Variants in CDYL observed in about 807,000 individuals in gnomAD.
CDYL encodes chromodomain Y-like protein.
CDYL carries 8 observed loss-of-function variants against 47.3 expected under a neutral mutation model. The ratio of observed to expected loss-of-function variants is 0.17; its 90% confidence interval spans 0.10 to 0.31. CDYL has a LOEUF of 0.31. Among genes scored for constraint, CDYL ranks in the 10% least tolerant of loss-of-function variants. The pLI, the probability that CDYL is intolerant of heterozygous loss-of-function variation, is 1.00. For missense variants in CDYL, 471 were observed against 701.4 expected (o/e 0.67, Z 3.71); for synonymous variants, 266 against 265.0 (o/e 1.00, Z -0.04).
intron 3 of CDYL, among the ~76,000 whole-genome samples, chr6:4,761,845 G>A (rs577756594): frequency 6.6e-6 from 1 of 152,270 alleles, no homozygotes; most frequent in Admixed American, 6.5e-5. Context: ...TCCAGTAATG[G>A]CAGACTAAAT....
At chr6:4,832,131 A>AG (rs1561659180) in intron 1 of CDYL, among the ~76,000 whole-genome samples, 1 of 151,990 alleles carries the variant, frequency 6.6e-6, no homozygotes, top group African/African-American at 2.4e-5. Flanking sequence ...GAGTGGTGAG[A>AG]GAGGGCATCC....
intron 1 of CDYL, among the ~76,000 whole-genome samples, chr6:4,803,363 T>C (rs1010342810): frequency 6.6e-6 from 1 of 152,198 alleles, no homozygotes; most frequent in African/African-American, 2.4e-5. Flanking sequence ...GTCACTTAGT[T>C]TTCTCTTGGC....
At chr6:4,761,897 G>A (rs192371753) in intron 3 of CDYL, among the ~76,000 whole-genome samples, 3 of 152,268 alleles carry the variant, frequency 2.0e-5, no homozygotes, top group African/African-American at 4.8e-5. Context: ...TAAGAAAGCT[G>A]GGGGAAAAGC....
chr6:4,713,464 T>C (rs1320963335), intron 1 of CDYL, among the ~76,000 whole-genome samples: 1 of 152,188 alleles, frequency 6.6e-6, no homozygotes, highest in Non-Finnish European at 1.5e-5. Context: ...TCAAATTCCA[T>C]GGAGGTGACT....
chr6:4,909,603 T>G (rs1346222515), intron 2 of CDYL, among the ~76,000 whole-genome samples: 3 of 152,176 alleles, frequency 2.0e-5, no homozygotes, highest in African/African-American at 7.2e-5. Context: ...GGAGTCTCCC[T>G]CTGTTGCCCA....
intron 3 of CDYL, among the ~76,000 whole-genome samples, chr6:4,743,429 G>T (rs1404052322): frequency 6.6e-6 from 1 of 152,198 alleles, no homozygotes; most frequent in African/African-American, 2.4e-5. Flanking sequence ...AGCTCCAGAT[G>T]AGTTTATATC....
At chr6:4,884,470 G>A (rs537847315) in intron 1 of CDYL, among the ~76,000 whole-genome samples, 2 of 152,282 alleles carry the variant, frequency 1.3e-5, no homozygotes, top group East Asian at 3.9e-4. Flanking sequence ...ATACTCAGAG[G>A]GAAATTTGAC....
At chr6:4,724,130 T>A (rs909755547) in intron 2 of CDYL, among the ~76,000 whole-genome samples, 5 of 152,202 alleles carry the variant, frequency 3.3e-5, no homozygotes, top group Non-Finnish European at 5.9e-5. Context: ...AACCTTGACC[T>A]CCTGGGTTCA....
intron 1 of CDYL, among the ~76,000 whole-genome samples, chr6:4,821,470 A>G (rs1214301286): frequency 1.3e-5 from 2 of 151,828 alleles, no homozygotes; most frequent in African/African-American, 4.8e-5. Flanking sequence ...GTGGTGGCTC[A>G]TGCCTGTAAT....
At chr6:4,811,545 A>G (rs116273493) in intron 1 of CDYL, among the ~76,000 whole-genome samples, 2 of 152,266 alleles carry the variant, frequency 1.3e-5, no homozygotes, top group Non-Finnish European at 2.9e-5. Flanking sequence ...AGATACTCAA[A>G]AGTAGTCTAT....
At chr6:4,859,371 G>C (rs531990087) in intron 1 of CDYL, among the ~76,000 whole-genome samples, 3 of 152,120 alleles carry the variant, frequency 2.0e-5, no homozygotes, top group South Asian at 2.1e-4. Flanking sequence ...TCAGCTGCCC[G>C]GGGTGCCTTG....
intron 5 of CDYL, among the ~76,000 whole-genome samples, chr6:4,945,200 A>G (rs551170570): frequency 2.6e-4 from 39 of 152,276 alleles, no homozygotes. Context: ...TGACTAGCAC[A>G]TTGTCAGTGG....
intron 1 of CDYL, among the ~76,000 whole-genome samples, chr6:4,884,837 G>C (rs1281401182): frequency 6.6e-6 from 1 of 152,124 alleles, no homozygotes; most frequent in African/African-American, 2.4e-5. Context: ...TCAGGTAACC[G>C]GTACAAGCAA....
chr6:4,823,690 A>G (rs371220287), intron 1 of CDYL, among the ~76,000 whole-genome samples: 17 of 152,186 alleles, frequency 1.1e-4, no homozygotes, highest in African/African-American at 4.1e-4. Context: ...GTATCTCCAA[A>G]ACTTTTAAAT....
chr6:4,928,233 TG>T (rs1330602443), intron 2 of CDYL, among the ~76,000 whole-genome samples: 1 of 152,180 alleles, frequency 6.6e-6, no homozygotes, highest in African/African-American at 2.4e-5. Flanking sequence ...TCCAGAATGG[TG>T]GCATCCCACC....
At chr6:4,823,736 A>G (rs1169829460) in intron 1 of CDYL, among the ~76,000 whole-genome samples, 1 of 152,238 alleles carries the variant, frequency 6.6e-6, no homozygotes, top group African/African-American at 2.4e-5. Flanking sequence ...GGTAAAATAT[A>G]CGTAACCTAA....
At chr6:4,723,616 A>G (rs1757417547) in intron 2 of CDYL, among the ~76,000 whole-genome samples, 1 of 152,114 alleles carries the variant, frequency 6.6e-6, no homozygotes, top group African/African-American at 2.4e-5. Context: ...CCTCCACCCT[A>G]CAGACTAGCA....
chr6:4,776,118 C>T (rs1456972514), upstream of CDYL, among the ~76,000 whole-genome samples: 1 of 150,098 alleles, frequency 6.7e-6, no homozygotes, highest in Admixed American at 6.6e-5. Context: ...AGGCCGACCC[C>T]GCAAGCGGGA....
upstream of CDYL, among the ~76,000 whole-genome samples, chr6:4,775,963 C>T (rs1758427926): frequency 6.7e-6 from 1 of 149,634 alleles, no homozygotes; most frequent in African/African-American, 2.4e-5. The surrounding 1 kb of genome is among the most constrained non-coding windows in gnomAD (Gnocchi z 7.0). Context: ...TCGCATGGTT[C>T]CCTGCCCCAT....
Sources: allele counts gnomAD v4.1 joint callset (sites outside exome capture counted in the v4.1 genomes callset), GRCh38; gene constraint gnomAD v4.1.1; non-coding constraint Gnocchi (gnomAD v3.1); transcripts MANE v1.5; gene names NCBI Gene and HGNC (gene_info 2026-07-23, HGNC 2026-07-21).